Variants in COL5A2 observed in about 807,000 individuals in gnomAD.
The protein encoded by COL5A2 is collagen alpha-2(V) chain.
Under a neutral mutation model 208.2 loss-of-function variants are expected in COL5A2, and 23 were observed. The ratio of observed to expected loss-of-function variants is 0.11; its 90% CI spans 0.08 to 0.16. The LOEUF is 0.16. COL5A2 is among the 10% of genes least tolerant of loss of function. COL5A2 has a pLI of 1.00. For missense variants in COL5A2, 1,590 were observed against 1,956.4 expected (o/e 0.81, Z 3.53); for synonymous variants, 625 against 628.5 (o/e 0.99, Z 0.08).
At position 189,100,121 on chromosome 2, in the gene COL5A2, C is replaced by T; in HGVS notation, c.355G>A (p.Gly119Arg). The change falls in exon 4 of 54, where the codon GGA (glycine) becomes AGA (arginine). Residue 119 changes from glycine (G) to arginine (R), a missense_variant. Coordinates refer to ENST00000374866, the MANE Select transcript of COL5A2 (RefSeq NM_000393.5). ...RGRKGQKGEP[G>R]LVPVVTGIRG... ...CATATACTTACAACAGGCACTAATC[C>T]TGGTTCTCCCTTTTGTCCCTGTGAC... 1 of 1,611,026 alleles carries T rather than the reference C, an allele frequency of 6.2e-7. No individual in the cohort carries two copies. The highest frequency in any genetic ancestry group is 8.5e-7 in the Non-Finnish European group (1 of 1,177,510).
chr2:189,348,004 G>A, the COL5A2 span, among the ~76,000 whole-genome samples: 1 of 151,860 alleles, frequency 6.6e-6, no homozygotes, highest in African/African-American at 2.4e-5. Flanking sequence ...GCCAGCTTCA[G>A]TAGATTCCAA....
At chr2:189,298,558 A>G in the COL5A2 span, among the ~76,000 whole-genome samples, 1 of 152,284 alleles carries the variant, frequency 6.6e-6, no homozygotes, top group African/African-American at 2.4e-5. Flanking sequence ...AGATGGTGGG[A>G]GTGCAGTCTG....
chr2:189,350,249 CAT>C, the COL5A2 span, among the ~76,000 whole-genome samples: 1 of 152,072 alleles, frequency 6.6e-6, no homozygotes, highest in South Asian at 2.1e-4. Context: ...AATTTTCTCT[CAT>C]GTGATCAGGA....
chr2:189,189,123 T>C (rs1688892286), intron 1 of COL5A2, among the ~76,000 whole-genome samples: 1 of 152,166 alleles, frequency 6.6e-6, no homozygotes, highest in Non-Finnish European at 1.5e-5. Flanking sequence ...TATTTTTGTG[T>C]CCTGTATTTG....
intron 30 of COL5A2, 83 bp downstream of exon 30, chr2:189,061,479 T>C (rs528029889): frequency 9.7e-7 from 1 of 1,034,612 alleles, no homozygotes; most frequent in African/African-American, 1.6e-5. Flanking sequence ...GAATTTCAAA[T>C]CTTCTGACCA....
intron 1 of COL5A2, among the ~76,000 whole-genome samples, chr2:189,162,235 T>G (rs1442368021): frequency 2.6e-5 from 4 of 152,208 alleles, no homozygotes; most frequent in African/African-American, 9.7e-5. Flanking sequence ...GAGTAAGAAT[T>G]AAATATTTGT....
Position 189,118,392 on chromosome 2 carries a change from T to C in COL5A2, c.98-7943A>G, listed in dbSNP as rs1397718573. Among the ~76,000 whole-genome samples, 4 of 152,228 alleles carry C rather than the reference T, an allele frequency of 2.6e-5. No individual in the cohort carries two copies. In the East Asian group the frequency reaches 7.7e-4, roughly 29 times the overall value. On this transcript the variant is annotated intron_variant, in intron 1 of 53. Transcript: ENST00000374866. ...ATTTAACTCTGTATTTTATTATGTC[T>C]TTGCAGCTGCATTTTGCCTCCTTTT...
At chr2:189,321,347 T>C in the COL5A2 span, among the ~76,000 whole-genome samples, 5,529 of 152,214 alleles carry the variant, frequency 0.036, 114 homozygotes, top group Admixed American at 0.05. Context: ...GGGCTAAATG[T>C]TCCAATTAAA....
At chr2:189,066,687 C>T (rs759652032) in intron 22 of COL5A2, 42 bp downstream of exon 22, 1 of 1,527,626 alleles carries the variant, frequency 6.5e-7, no homozygotes, top group South Asian at 1.1e-5. Context: ...CACTTCCAGA[C>T]AATACTATGT....
chr2:189,049,519 G>C, intron 43 of COL5A2, 65 bp from the exon 44 acceptor site: 1 of 1,332,702 alleles, frequency 7.5e-7, no homozygotes. Context: ...TCCCATAAAG[G>C]CTAAGTTTTC....
At chr2:189,376,718 G>C in the COL5A2 span, among the ~76,000 whole-genome samples, 1 of 152,062 alleles carries the variant, frequency 6.6e-6, no homozygotes, top group Non-Finnish European at 1.5e-5. Flanking sequence ...CAGTTTAAGT[G>C]GACAAAATAT....
Position 189,079,973 on chromosome 2 carries a change from A to G in COL5A2, c.960+5T>C. On this transcript the variant is annotated splice_donor_5th_base_variant and intron_variant, in intron 14 of 53. Transcript: ENST00000374866. ...GAGGTTACAGTGAGATAATTATAAG[A>G]TTACCTTGGAACCAGGTGCTCCAAC... 1.9e-6 allele frequency: 3 copies of G among 1,611,204 alleles called. No homozygotes were observed. Among genetic ancestry groups the G allele is most frequent in the Non-Finnish European group, 2.5e-6 (3 of 1,177,466 alleles).
intron 1 of COL5A2, among the ~76,000 whole-genome samples, chr2:189,186,069 AG>A (rs1688847774): frequency 6.6e-6 from 1 of 151,852 alleles, no homozygotes; most frequent in African/African-American, 2.4e-5. Flanking sequence ...GGAGTGCAGT[AG>A]CACGATCACA....
chr2:189,371,606 T>A, the COL5A2 span, among the ~76,000 whole-genome samples: 3 of 152,210 alleles, frequency 2.0e-5, no homozygotes, highest in Non-Finnish European at 4.4e-5. Flanking sequence ...ACTGTGTTTA[T>A]GTCCTGGGAA....
chr2:189,257,691 C>T, the COL5A2 span, among the ~76,000 whole-genome samples: 7 of 152,218 alleles, frequency 4.6e-5, no homozygotes, highest in African/African-American at 1.4e-4. Context: ...CCTGTTACCC[C>T]CTTCCCTCAG....
chr2:189,427,943 C>T, the COL5A2 span, among the ~76,000 whole-genome samples: 30 of 152,192 alleles, frequency 2.0e-4, no homozygotes, highest in African/African-American at 5.8e-4. Flanking sequence ...AGCATTTACC[C>T]AATGCCTTTA....
chr2:189,118,664 C>T (rs1317976938), intron 1 of COL5A2, among the ~76,000 whole-genome samples: 2 of 152,134 alleles, frequency 1.3e-5, no homozygotes, highest in Non-Finnish European at 2.9e-5. Flanking sequence ...ATGCCTCTTT[C>T]TGCATTATTC....
At chr2:189,311,481 G>T in the COL5A2 span, 2 of 1,051,710 alleles carry the variant, frequency 1.9e-6, no homozygotes, top group Non-Finnish European at 2.9e-6. Context: ...TGGGCTTGGT[G>T]CTGTCCCTCT....
At chr2:189,398,070 T>C in the COL5A2 span, among the ~76,000 whole-genome samples, 1 of 152,172 alleles carries the variant, frequency 6.6e-6, no homozygotes, top group Non-Finnish European at 1.5e-5. Context: ...ATAGAACTGC[T>C]CAATTTCCAA....
Sources: allele counts gnomAD v4.1 joint callset (sites outside exome capture counted in the v4.1 genomes callset), GRCh38; gene constraint gnomAD v4.1.1; transcripts MANE v1.5; gene names NCBI Gene and HGNC (gene_info 2026-07-23, HGNC 2026-07-21).